WDFY2: variants seen among roughly 807,000 people sequenced by gnomAD.
The protein encoded by WDFY2 is WD repeat and FYVE domain containing 2, also known as WD repeat and FYVE domain-containing protein 2.
A neutral mutation model predicts 56.4 loss-of-function variants in WDFY2; 36 were observed. The observed-to-expected ratio is 0.64, with a 90% confidence interval of 0.49 to 0.84. The LOEUF is 0.84. WDFY2 is among the 40% of genes least tolerant of loss of function. The pLI is 0.00. For missense variants in WDFY2, 444 were observed against 512.2 expected, an observed-to-expected ratio of 0.87 and a Z score of 1.29; for synonymous variants, 176 against 183.7, an observed-to-expected ratio of 0.96 and a Z score of 0.34.
rs528828284 is a variant in WDFY2 at position 51,661,671 on chromosome 13, A to G, written c.205+1008A>G. On this transcript the variant is annotated intron_variant, in intron 2 of 11. Coordinates refer to ENST00000298125, the MANE Select transcript of WDFY2 (RefSeq NM_052950.4). ...ATAAACAAATGATTATTAATGATAT[A>G]ATAATTTTAAATGATTTTCAAATTA... Among the ~76,000 whole-genome samples the G allele has an allele frequency of 1.4e-3, 215 of 152,364 alleles. 2 individuals carry two copies. Among genetic ancestry groups the G allele is most frequent in the African/African-American group, 5.0e-3 (210 of 41,590 alleles).
intron 1 of WDFY2, among the ~76,000 whole-genome samples, chr13:51,626,641 A>T (rs1048700186): frequency 1.3e-5 from 2 of 152,218 alleles, no homozygotes; most frequent in Non-Finnish European, 2.9e-5. Flanking sequence ...CATCTAATAT[A>T]AATTTTTATT....
At chr13:51,613,267 C>G (rs1367955751) in intron 1 of WDFY2, among the ~76,000 whole-genome samples, 1 of 152,174 alleles carries the variant, frequency 6.6e-6, no homozygotes, top group Non-Finnish European at 1.5e-5. Flanking sequence ...CTGGAGCTTA[C>G]AGCATATGCC....
chr13:51,691,661 G>C (rs1488648397), intron 3 of WDFY2, among the ~76,000 whole-genome samples: 1 of 152,098 alleles, frequency 6.6e-6, no homozygotes, highest in Non-Finnish European at 1.5e-5. Context: ...TTTGGCTTAG[G>C]ATTGACTTGG....
At chr13:51,670,895 C>A (rs936578518) in intron 2 of WDFY2, among the ~76,000 whole-genome samples, 2 of 152,110 alleles carry the variant, frequency 1.3e-5, no homozygotes, top group Non-Finnish European at 2.9e-5. Flanking sequence ...CTCGAATCCC[C>A]AAACTCCCTT....
chr13:51,721,338 A>G (rs766438204), intron 5 of WDFY2, among the ~76,000 whole-genome samples: 1 of 152,094 alleles, frequency 6.6e-6, no homozygotes, highest in Non-Finnish European at 1.5e-5. Flanking sequence ...ATTTGGTCTT[A>G]TGCTGGTTTC....
Position 51,584,533 on chromosome 13 carries a change from C to T in WDFY2, c.-155C>T. On this transcript the variant is annotated 5_prime_UTR_variant, in exon 1 of 12. Transcript: ENST00000298125. ...GAAGCAGGGAGCGCGGAGTCGTTCC[C>T]GAGAGAGGCGGCCAGGCTATGCTCG... is the stretch of plus-strand genomic sequence containing the variant. 1.9e-5 allele frequency: 21 copies of T among 1,095,378 alleles called. No individual in the cohort carries two copies. Among genetic ancestry groups the T allele is most frequent in the Non-Finnish European group, 2.6e-5 (21 of 797,544 alleles). The allele number at this position is 1,095,378 out of a possible 1,614,324, so 67.9% of individuals were successfully genotyped here.
chr13:51,679,482 TTTGA>T (rs1219785271), intron 3 of WDFY2, among the ~76,000 whole-genome samples: 13 of 152,112 alleles, frequency 8.5e-5, no homozygotes, highest in South Asian at 2.1e-4. Flanking sequence ...TTATGGGAAG[TTTGA>T]TTGGGATGAG....
At chr13:51,695,503 C>T (rs1313122205) in intron 3 of WDFY2, among the ~76,000 whole-genome samples, 1 of 152,202 alleles carries the variant, frequency 6.6e-6, no homozygotes, top group Non-Finnish European at 1.5e-5. Context: ...AGCGGATTTT[C>T]ATGAACCGGG....
intron 4 of WDFY2, among the ~76,000 whole-genome samples, chr13:51,707,199 G>A (rs908267994): frequency 2.0e-5 from 3 of 152,194 alleles, no homozygotes; most frequent in African/African-American, 7.2e-5. Context: ...TCAATCAGTT[G>A]CCCAGGCTAG....
chr13:51,699,108 G>C (rs899897481), intron 3 of WDFY2, among the ~76,000 whole-genome samples: 1 of 152,164 alleles, frequency 6.6e-6, no homozygotes, highest in East Asian at 1.9e-4. Flanking sequence ...TGGTTCCCCT[G>C]CTACTTCTGA....
Position 51,727,699 on chromosome 13 carries a change from T to A in WDFY2, c.507T>A (p.His169Gln). The A allele has an allele frequency of 6.2e-7, 1 of 1,613,844 alleles. No individual in the cohort carries two copies. Among genetic ancestry groups the A allele is most frequent in the South Asian group, 1.1e-5 (1 of 90,970 alleles). ...SGLQFDVETR[H>Q]VFIGDHSGQV... ...ACAGATTTGATGTTGAAACCCGGCA[T>A]GTGTTTATCGGTGACCACTCAGGCC... The change falls in exon 6 of 12, where the codon CAT (histidine) becomes CAA (glutamine). Residue 169 changes from histidine (H) to glutamine (Q), a missense_variant. Transcript: ENST00000298125.
Position 51,739,163 on chromosome 13 carries a change from TC to T in WDFY2, c.715del (p.Gln239LysfsTer19). 6.3e-7 allele frequency: 1 copy of T among 1,590,120 alleles called. No homozygotes were observed. ...IGGRKGTAIE[L>X]QGHNDRVQAL... The stretch of plus-strand genomic sequence containing the variant: ...GGGAGAAAAGGAACAGCCATCGAGC[TC>T]CAAGGACACAAGTAAGGTTGCTGGT... On this transcript the variant is annotated frameshift_variant, in exon 7 of 12. Transcript: ENST00000298125. LOFTEE classifies it high-confidence loss of function.
intron 1 of WDFY2, among the ~76,000 whole-genome samples, chr13:51,608,065 C>T (rs1392445231): frequency 6.6e-6 from 1 of 152,200 alleles, no homozygotes; most frequent in African/African-American, 2.4e-5. Flanking sequence ...CCCTAAGTGC[C>T]TCCAGAGGAA....
rs148108355 is a variant in WDFY2 at position 51,684,509 on chromosome 13, G to C, written c.279+9266G>C. ...CTGCTTACTCTTTTTTTGGTGATCT[G>C]CATCTGTGGCTTAATTATCCTATAC... On this transcript the variant is annotated intron_variant, in intron 3 of 11. Transcript: ENST00000298125. 3.2e-3 allele frequency among the ~76,000 whole-genome samples: 489 copies of C among 151,934 alleles called. 3 individuals are homozygous for C. The highest frequency in any genetic ancestry group is 0.011 in the African/African-American group (471 of 41,428).
intron 7 of WDFY2, among the ~76,000 whole-genome samples, chr13:51,739,770 C>T (rs1952925958): frequency 6.6e-6 from 1 of 152,148 alleles, no homozygotes; most frequent in Non-Finnish European, 1.5e-5. Context: ...TCTGAGATGT[C>T]CGGTCCCTGT....
At chr13:51,728,997 G>A (rs756007824) in intron 6 of WDFY2, among the ~76,000 whole-genome samples, 6 of 152,184 alleles carry the variant, frequency 3.9e-5, no homozygotes, top group South Asian at 2.1e-4. Context: ...CCCTTGTGGC[G>A]CATTCTAGCC....
intron 4 of WDFY2, among the ~76,000 whole-genome samples, chr13:51,713,336 C>T (rs1002835517): frequency 5.3e-5 from 8 of 152,090 alleles, no homozygotes; most frequent in Admixed American, 6.6e-5. Context: ...ATTAAATTAG[C>T]GGTGTATGCC....
At chr13:51,590,940 A>G (rs947661854) in intron 1 of WDFY2, 1 of 152,174 alleles carries the variant, frequency 6.6e-6, no homozygotes, top group Non-Finnish European at 1.5e-5. Context: ...AGAAAAGGTC[A>G]TCTCCTTGTC....
At chr13:51,610,865 G>A (rs547881488) in intron 1 of WDFY2, among the ~76,000 whole-genome samples, 2 of 152,260 alleles carry the variant, frequency 1.3e-5, no homozygotes, top group African/African-American at 4.8e-5. Context: ...TTCCTCTTTG[G>A]CATTCATCTG....
Sources: gnomAD v4.1 joint callset for allele counts (sites outside exome capture counted in the v4.1 genomes callset) on GRCh38, gnomAD v4.1.1 for gene constraint, MANE v1.5 for transcripts, NCBI Gene and HGNC (gene_info 2026-07-23, HGNC 2026-07-21) for gene names.